The following NSUN3 variants were observed in gnomAD, a reference collection of about 807,000 sequenced individuals.
The protein encoded by NSUN3 is NOP2/Sun RNA methyltransferase 3.
A neutral mutation model predicts 36.8 loss-of-function variants in NSUN3; 24 were observed. The observed-to-expected ratio is 0.65, with a 90% confidence interval of 0.47 to 0.92. The LOEUF (loss-of-function observed/expected upper bound fraction) is 0.92, where lower values mean the gene tolerates loss of function less well. NSUN3 is among the 40% of genes least tolerant of loss of function. NSUN3 has a pLI of 0.00. For synonymous variants in NSUN3, 146 were observed against 145.2 expected (o/e 1.01, Z -0.04); for missense variants, 381 against 392.8 (o/e 0.97, Z 0.25).
At chr3:94,111,868 G>C (rs1235672695) in intron 5 of NSUN3, among the ~76,000 whole-genome samples, 8 of 151,022 alleles carry the variant, frequency 5.3e-5, no homozygotes, top group Non-Finnish European at 1.0e-4. Flanking sequence ...AAAAAGTATA[G>C]TAAATACTAG....
chr3:94,119,029 T>C (rs2077451541), intron 5 of NSUN3, among the ~76,000 whole-genome samples: 1 of 152,174 alleles, frequency 6.6e-6, no homozygotes, highest in Non-Finnish European at 1.5e-5. Context: ...AGTCCTCTGT[T>C]TGTGATTTGG....
At chr3:94,087,546 G>A (rs2077296903) in intron 3 of NSUN3, among the ~76,000 whole-genome samples, 1 of 152,190 alleles carries the variant, frequency 6.6e-6, no homozygotes, top group Non-Finnish European at 1.5e-5. Flanking sequence ...CAAACAATAT[G>A]GATTCTAAAT....
chr3:94,082,154 C>G (rs2077271972), intron 2 of NSUN3: 3 of 152,098 alleles, frequency 2.0e-5, no homozygotes, highest in Non-Finnish European at 4.4e-5. Flanking sequence ...GATTTTTCAG[C>G]CTGTTTGGAG....
intron 2 of NSUN3, among the ~76,000 whole-genome samples, chr3:94,083,075 CAGACTT>C (rs2077276939): frequency 6.6e-6 from 1 of 150,482 alleles, no homozygotes; most frequent in African/African-American, 2.4e-5. Context: ...TTCATTTTGA[CAGACTT>C]AGAGGTATTT....
rs2077504003 is a variant in NSUN3, at chr3:94,130,127, A to G, written c.*3637A>G. On this transcript the variant is annotated 3_prime_UTR_variant, in exon 6 of 6. Coordinates refer to ENST00000314622, the MANE Select transcript of NSUN3 (RefSeq NM_022072.5). ...ATAACCCCCTTTTGTGAATGAGAAAACCAAAGCTCAGTTCTGTTTATAGTT... is the reference window on the plus strand; with the variant it reads ...ATAACCCCCTTTTGTGAATGAGAAAGCCAAAGCTCAGTTCTGTTTATAGTT... 6.6e-6 allele frequency among the ~76,000 whole-genome samples: 1 copy of G among 152,100 alleles called. No individual in the cohort carries two copies. The highest frequency in any genetic ancestry group is 6.6e-5 in the Admixed American group (1 of 15,258).
At chr3:94,121,029 G>A (rs1335989442) in intron 5 of NSUN3, among the ~76,000 whole-genome samples, 4 of 152,058 alleles carry the variant, frequency 2.6e-5, no homozygotes, top group African/African-American at 9.7e-5. Flanking sequence ...AACAAAAAAC[G>A]CCATCATTAG....
At chr3:94,101,055 G>A (rs1014549275) in intron 5 of NSUN3, among the ~76,000 whole-genome samples, 4 of 151,954 alleles carry the variant, frequency 2.6e-5, no homozygotes, top group Non-Finnish European at 4.4e-5. Context: ...GCAGTGGTGC[G>A]ATCATAACTC....
intron 1 of NSUN3, 123 bp from the exon 2 acceptor site, chr3:94,064,314 A>C: frequency 1.6e-6 from 1 of 639,642 alleles, no homozygotes; most frequent in Non-Finnish European, 2.8e-6. Flanking sequence ...TATTGCTTCC[A>C]TTTCAAGAAC....
At chr3:94,110,806 A>ATATATGTGTGTG (rs2077413316) in intron 5 of NSUN3, among the ~76,000 whole-genome samples, 1 of 151,736 alleles carries the variant, frequency 6.6e-6, no homozygotes, top group Non-Finnish European at 1.5e-5. Flanking sequence ...GTATGCACAT[A>ATATATGTGTGTG]TATACATATA....
rs1419729891 is a variant in NSUN3, at chr3:94,094,234, TA to T, written c.564del (p.Val189CysfsTer21). ...TCCCACAGCCTTTGATAAATGTAAT[TA>T]AAGTGTCTGAATTGGATGGCAGAAA... The part of the protein sequence containing the change: ...FIPQPLINVI[K>X]VSELDGRKMG... On this transcript the variant is annotated frameshift_variant, in exon 4 of 6. Coordinates refer to ENST00000314622, the MANE Select transcript of NSUN3 (RefSeq NM_022072.5). LOFTEE classifies it high-confidence loss of function. 1 of 1,613,478 alleles carries T rather than the reference TA, an allele frequency of 6.2e-7. No individual in the cohort carries two copies. The highest frequency in any genetic ancestry group is 8.5e-7 in the Non-Finnish European group (1 of 1,179,736).
intron 2 of NSUN3, among the ~76,000 whole-genome samples, chr3:94,074,671 C>T (rs986371719): frequency 2.6e-5 from 4 of 152,118 alleles, no homozygotes; most frequent in African/African-American, 9.7e-5. Context: ...TGAGATTTTG[C>T]TGAAGTTGCT....
chr3:94,122,540 C>T (rs1175842851), intron 5 of NSUN3, among the ~76,000 whole-genome samples: 1 of 152,228 alleles, frequency 6.6e-6, no homozygotes, highest in Admixed American at 6.5e-5. Context: ...CAATCTCACA[C>T]TGTACTCAGT....
intron 2 of NSUN3, among the ~76,000 whole-genome samples, chr3:94,083,519 G>A (rs1402632038): frequency 6.6e-6 from 1 of 152,126 alleles, no homozygotes; most frequent in Non-Finnish European, 1.5e-5. Context: ...AGGCTGAAGT[G>A]AAGTTACAAA....
At chr3:94,076,988 T>C in intron 2 of NSUN3, 1 of 925,594 alleles carries the variant, frequency 1.1e-6, no homozygotes, top group Non-Finnish European at 1.8e-6. Context: ...AGTCGATGAA[T>C]GCTGAAATCT....
chr3:94,126,132 C>A, intron 5 of NSUN3, 79 bp from the exon 6 acceptor site: 1 of 1,214,126 alleles, frequency 8.2e-7, no homozygotes, highest in Non-Finnish European at 1.2e-6. Flanking sequence ...GTTTTAAGTA[C>A]GTAATCTTTG....
At chr3:94,072,219 C>G (rs1389767033) in intron 2 of NSUN3, among the ~76,000 whole-genome samples, 1 of 152,092 alleles carries the variant, frequency 6.6e-6, no homozygotes, top group East Asian at 1.9e-4. Context: ...TTCTTGCCCC[C>G]TTTTGTAGCT....
intron 2 of NSUN3, among the ~76,000 whole-genome samples, chr3:94,077,601 T>C (rs2077251864): frequency 1.3e-5 from 2 of 152,206 alleles, no homozygotes; most frequent in Admixed American, 6.5e-5. Flanking sequence ...TATTAATTAC[T>C]GCCTCAATTT....
chr3:94,082,992 C>T (rs1250724491), intron 2 of NSUN3, among the ~76,000 whole-genome samples: 1 of 152,082 alleles, frequency 6.6e-6, no homozygotes, highest in African/African-American at 2.4e-5. Context: ...ACTTTTCCCT[C>T]TAATATTAAT....
rs528096016 is a variant in NSUN3, at chr3:94,090,509, T to C, written c.467-3631T>C. Among the ~76,000 whole-genome samples the C allele has an allele frequency of 1.1e-3, 167 of 152,244 alleles. 1 individual carries two copies. The highest frequency in any genetic ancestry group is 3.7e-3 in the African/African-American group (154 of 41,534). The stretch of plus-strand genomic sequence containing the variant: ...ATTATAATGCCATGCTTCAATCAAG[T>C]CATCTACATTTAATATGCACATACT... On this transcript the variant is annotated intron_variant, in intron 3 of 5. Coordinates refer to ENST00000314622, the MANE Select transcript of NSUN3 (RefSeq NM_022072.5).
Sources: allele counts gnomAD v4.1 joint callset (sites outside exome capture counted in the v4.1 genomes callset), GRCh38; gene constraint gnomAD v4.1.1; transcripts MANE v1.5; gene names NCBI Gene and HGNC (gene_info 2026-07-23, HGNC 2026-07-21).